Variants in GPR157 observed in about 807,000 individuals in gnomAD.
The protein encoded by GPR157 is G protein-coupled receptor 157.
GPR157 carries 16 observed loss-of-function variants against 23.5 expected under a neutral mutation model. The ratio of observed to expected loss-of-function variants is 0.68; its 90% CI spans 0.46 to 1.04. The LOEUF (loss-of-function observed/expected upper bound fraction) is 1.04. Ranked by LOEUF, GPR157 falls within the 50% of genes least tolerant of loss-of-function variation. GPR157 has a pLI of 0.00. For synonymous variants in GPR157, 200 were observed against 221.5 expected (o/e 0.90, Z 0.86); for missense variants, 440 against 460.7 (o/e 0.96, Z 0.41).
Position 9,120,338 on chromosome 1 carries a change from G to T in GPR157, c.383+8307C>A, listed in dbSNP as rs1638773098. ...CACCTGCCAGGAGGAAAACAAGCAG[G>T]TCCCTTCTCTGGGCCAAACACAATG... On this transcript the variant is annotated intron_variant, in intron 1 of 3. Coordinates refer to ENST00000377411, the MANE Select transcript of GPR157 (RefSeq NM_024980.5). The surrounding 1 kb of genome is among the most constrained non-coding windows in gnomAD (Gnocchi z 4.1). 1.3e-5 allele frequency among the ~76,000 whole-genome samples: 2 copies of T among 152,166 alleles called. No homozygotes were observed. The highest frequency in any genetic ancestry group is 1.3e-4 in the Admixed American group (2 of 15,278).
In GPR157 at chr1:9,128,450, C is replaced by A. The variant is rs1379694911; in HGVS notation, c.383+195G>T. 1 of 685,224 alleles carries A rather than the reference C, an allele frequency of 1.5e-6. No homozygotes were observed. The highest frequency in any genetic ancestry group is 2.1e-5 in the Admixed American group (1 of 46,512). The allele number at this position is 685,224 out of a possible 1,614,324, so 42.4% of individuals were successfully genotyped here. On this transcript the variant is annotated intron_variant, in intron 1 of 3. Transcript: ENST00000377411. This position sits in a 1 kb window ranked among gnomAD's most constrained non-coding sequence, Gnocchi z 6.3. ...GTGCCCTGGGGCAGGCACAGCGGGG[C>A]TCCTTCGGGAGGGAGCGAATCTCGG... is the stretch of plus-strand genomic sequence containing the variant.
intron 3 of GPR157, among the ~76,000 whole-genome samples, chr1:9,104,889 G>T (rs1230482580): frequency 6.6e-6 from 1 of 151,582 alleles, no homozygotes; most frequent in Non-Finnish European, 1.5e-5. Flanking sequence ...TAGTCCCAGC[G>T]ACACGGAGGC....
rs544160252 is a variant in GPR157, at chr1:9,111,304, A to G, written c.569T>C (p.Leu190Pro). 1.2e-6 allele frequency: 2 copies of G among 1,614,188 alleles called. No homozygotes were observed. The highest frequency in any genetic ancestry group is 2.2e-5 in the South Asian group (2 of 91,084). The change falls in exon 2 of 4, where the codon CTC becomes CCC. Residue 190 changes from leucine (L) to proline (P), a missense_variant. By Grantham distance (98) the Leu-to-Pro change is moderately conservative. Coordinates refer to ENST00000377411, the MANE Select transcript of GPR157 (RefSeq NM_024980.5). Reference protein sequence around the residue: ...LAYVLLPLLYLLVRKHINRAH... With the variant: ...LAYVLLPLLYPLVRKHINRAH... ...TCTGTTGATGTGCTTCCGGACCAGG[A>G]GGTACAGCAGAGGCAGCAGCACATA...
In GPR157 at chr1:9,105,138, C is replaced by G. The variant is rs1638261959; in HGVS notation, c.792+348G>C. On this transcript the variant is annotated intron_variant, in intron 3 of 3. Transcript: ENST00000377411. The surrounding 1 kb of genome is among the most constrained non-coding windows in gnomAD (Gnocchi z 4.8). ...AAGTGCTGTGTACCCCAGAACCTCCCCCCATCCTCCCCGCCATGGCTGATC... is the reference window on the plus strand; with the variant it reads ...AAGTGCTGTGTACCCCAGAACCTCCGCCCATCCTCCCCGCCATGGCTGATC... 6.6e-6 allele frequency among the ~76,000 whole-genome samples: 1 copy of G among 152,108 alleles called. No homozygotes were observed. The highest frequency in any genetic ancestry group is 6.5e-5 in the Admixed American group (1 of 15,272).
At chr1:9,114,615 G>A (rs906710831) in intron 1 of GPR157, among the ~76,000 whole-genome samples, 18 of 152,276 alleles carry the variant, frequency 1.2e-4, no homozygotes, top group Admixed American at 1.1e-3. Context: ...GGAAACCGGG[G>A]GACCACACGG....
chr1:9,108,973 GAC>G (rs919650460), intron 2 of GPR157, among the ~76,000 whole-genome samples: 3 of 151,628 alleles, frequency 2.0e-5, no homozygotes, highest in Non-Finnish European at 4.4e-5. Context: ...TTTTCATAGA[GAC>G]AGAGTTTCAC....
chr1:9,128,599 G>A lies in GPR157; in HGVS notation c.383+46C>T. 3.2e-6 allele frequency: 5 copies of A among 1,576,094 alleles called. No homozygotes were observed. The highest frequency in any genetic ancestry group is 3.5e-6 in the Non-Finnish European group (4 of 1,150,060). Reference sequence around the variant, plus strand: ...TGGGAGGGCAAGACCGGGAGGGGTCGGCCTGTGTCGGGGGCTCCTGGAAAA... The same window carrying A: ...TGGGAGGGCAAGACCGGGAGGGGTCAGCCTGTGTCGGGGGCTCCTGGAAAA... On this transcript the variant is annotated intron_variant, in intron 1 of 3. Coordinates refer to ENST00000377411, the MANE Select transcript of GPR157 (RefSeq NM_024980.5). The surrounding 1 kb of genome is among the most constrained non-coding windows in gnomAD (Gnocchi z 6.3).
At chr1:9,123,802 A>ATT (rs1226484961) in intron 1 of GPR157, among the ~76,000 whole-genome samples, 1,734 of 126,112 alleles carry the variant, frequency 0.014, 88 homozygotes, top group Non-Finnish European at 0.021. Context: ...TATTATATAT[A>ATT]TATAATATTA....
intron 2 of GPR157, chr1:9,111,049 C>CAGGA: frequency 1.7e-6 from 1 of 598,288 alleles, no homozygotes; most frequent in Non-Finnish European, 3.1e-6. Flanking sequence ...AAAGGAGTAA[C>CAGGA]AGGACCCGGC....
rs1294156539 is a variant in GPR157, at chr1:9,103,168, T to C, written c.*1251A>G. 4 of 147,910 alleles carry C rather than the reference T, an allele frequency of 2.7e-5. No homozygotes were observed. Among genetic ancestry groups the C allele is most frequent in the South Asian group, 4.3e-4 (2 of 4,668 alleles). The allele number at this position is 147,910 out of a possible 1,614,324, so 9.2% of individuals were successfully genotyped here. ...AACCTTCACCTTTAGGAAGAAATCG[T>C]ATTTGTTTGTTTGAGACCGAGTTTC... On this transcript the variant is annotated 3_prime_UTR_variant, in exon 4 of 4. Coordinates refer to ENST00000377411, the MANE Select transcript of GPR157 (RefSeq NM_024980.5).
At chr1:9,111,610 C>T in intron 1 of GPR157, 121 bp from the exon 2 acceptor site, 1 of 721,788 alleles carries the variant, frequency 1.4e-6, no homozygotes, top group South Asian at 1.7e-5. Context: ...GCCTGGATGG[C>T]ACAGTGGCCC....
chr1:9,114,000 C>A lies in GPR157; in HGVS notation c.384-2511G>T, dbSNP rs570658276. 2.8e-5 allele frequency among the ~76,000 whole-genome samples: 4 copies of A among 140,938 alleles called. No homozygotes were observed. The South Asian group carries it at 9.1e-4, about 32-fold the overall frequency. 92.5% of individuals were successfully genotyped at this position (140,938 alleles called of 152,430 possible). A position where few individuals can be genotyped will look rare whatever the true frequency, so the allele number is the denominator to read the frequency against. ...ACACACACACACACACACACACACA[C>A]CACCCATAAAAGAAAGGGTTGTTTT... is the stretch of plus-strand genomic sequence containing the variant. On this transcript the variant is annotated intron_variant, in intron 1 of 3. Coordinates refer to ENST00000377411, the MANE Select transcript of GPR157 (RefSeq NM_024980.5).
intron 1 of GPR157, among the ~76,000 whole-genome samples, chr1:9,113,999 A>ACC (rs1553174840): frequency 6.6e-5 from 9 of 136,962 alleles, no homozygotes; most frequent in Admixed American, 1.5e-4. Flanking sequence ...ACACACACAC[A>ACC]CCACCCATAA....
At chr1:9,117,678 C>A (rs1296601165) in intron 1 of GPR157, among the ~76,000 whole-genome samples, 1 of 152,178 alleles carries the variant, frequency 6.6e-6, no homozygotes, top group African/African-American at 2.4e-5. Flanking sequence ...AGGAGAATCA[C>A]TTGAACCCGG....
intron 1 of GPR157, among the ~76,000 whole-genome samples, chr1:9,123,552 A>AATATATCTTTAAAAT (rs1638881911): frequency 1.1e-5 from 1 of 92,390 alleles, no homozygotes; most frequent in African/African-American, 4.5e-5. Context: ...ATCTAATTTA[A>AATATATCTTTAAAAT]ATATATATTT....
rs1298816623 is a variant in GPR157 at position 9,118,828 on chromosome 1, G to A, written c.384-7339C>T. On this transcript the variant is annotated intron_variant, in intron 1 of 3. Transcript: ENST00000377411. This position sits in a 1 kb window ranked among gnomAD's most constrained non-coding sequence, Gnocchi z 4.6. ...CAAAGGATCACTTGAACCCAGGAGAGTTTGAGACCAGCCTGGGCAACAAAG... is the reference window on the plus strand; with the variant it reads ...CAAAGGATCACTTGAACCCAGGAGAATTTGAGACCAGCCTGGGCAACAAAG... 6.6e-6 allele frequency among the ~76,000 whole-genome samples: 1 copy of A among 152,046 alleles called. No individual in the cohort carries two copies. Among genetic ancestry groups the A allele is most frequent in the Non-Finnish European group, 1.5e-5 (1 of 67,988 alleles).
At chr1:9,123,738 ATT>A (rs1281287542) in intron 1 of GPR157, among the ~76,000 whole-genome samples, 141 of 125,216 alleles carry the variant, frequency 1.1e-3, no homozygotes, top group African/African-American at 4.0e-3. Flanking sequence ...TTAAATATAT[ATT>A]TAATATTATA....
intron 1 of GPR157, among the ~76,000 whole-genome samples, chr1:9,123,269 TATTTAA>T (rs1638852838): frequency 4.7e-5 from 1 of 21,412 alleles, no homozygotes; most frequent in African/African-American, 2.2e-4. Context: ...TAAATATATA[TATTTAA>T]ATATATATTT....
chr1:9,111,396 G>T lies in GPR157; in HGVS notation c.477C>A (p.Ile159=), dbSNP rs772426416. 6.2e-7 allele frequency: 1 copy of T among 1,614,162 alleles called. No individual in the cohort carries two copies. Among genetic ancestry groups the T allele is most frequent in the South Asian group, 1.1e-5 (1 of 91,078 alleles). The change falls in exon 2 of 4, where the codon ATC becomes ATA. Residue 159 remains isoleucine, a synonymous_variant. Coordinates refer to ENST00000377411, the MANE Select transcript of GPR157 (RefSeq NM_024980.5). ...GGACATGGTCCTTGGCCTCCAGGTC[G>T]ATCCAGCACCAGCCCACAGACACGT... ...ASDVSVGWCW[I]DLEAKDHVLW...
Sources: allele counts gnomAD v4.1 joint callset (sites outside exome capture counted in the v4.1 genomes callset), GRCh38; gene constraint gnomAD v4.1.1; non-coding constraint Gnocchi (gnomAD v3.1); transcripts MANE v1.5; gene names NCBI Gene and HGNC (gene_info 2026-07-23, HGNC 2026-07-21).